Variants in NSF observed in about 807,000 individuals in gnomAD.
NSF encodes vesicle-fusing ATPase.
A neutral mutation model predicts 50.3 loss-of-function variants in NSF; 14 were observed. The ratio of observed to expected loss-of-function variants is 0.28; its 90% confidence interval spans 0.18 to 0.44. NSF has a LOEUF of 0.44. NSF is among the 20% of genes least tolerant of loss of function. The pLI, the probability that NSF is intolerant of heterozygous loss-of-function variation, is 1.00. For synonymous variants in NSF, 109 were observed against 175.7 expected (o/e 0.62, Z 3.00); for missense variants, 218 against 504.3 (o/e 0.43, Z 5.44).
Position 46,671,865 on chromosome 17 carries a change from G to A in NSF, c.746-2549G>A, listed in dbSNP as rs910612537. On this transcript the variant is annotated intron_variant, in intron 8 of 20. Transcript: ENST00000398238. The stretch of plus-strand genomic sequence containing the variant: ...GTGTTTATGTTGTTTTGTTAAATTC[G>A]GAAAGTCTCAGTCTTGCAAATGTAT... Among the ~76,000 whole-genome samples, 17 of 143,400 alleles carry A rather than the reference G, an allele frequency of 1.2e-4. 1 individual carries two copies. The highest frequency in any genetic ancestry group is 3.0e-4 in the African/African-American group (12 of 39,480). The allele number at this position is 143,400 out of a possible 152,430, so 94.1% of individuals were successfully genotyped here. A position where few individuals can be genotyped will look rare whatever the true frequency, so the allele number is the denominator to read the frequency against.
chr17:46,755,360 A>G lies in NSF; in HGVS notation c.2204A>G (p.Glu735Gly). 2 of 1,613,234 alleles carry G rather than the reference A, an allele frequency of 1.2e-6. No individual in the cohort carries two copies. The highest frequency in any genetic ancestry group is 1.7e-6 in the Non-Finnish European group (2 of 1,179,132). Reference protein sequence around the residue: ...RVRKFLALLREEGASPLDFD With the variant: ...RVRKFLALLRGEGASPLDFD ...AGAAAATTCTTGGCCCTCTTAAGAG[A>G]AGAAGGAGCGTAAGTACATACAACA... Residue 735 changes from glutamate (E) to glycine (G), a missense_variant, in exon 20 of 21, where the codon GAA becomes GGA. Coordinates refer to ENST00000398238, the MANE Select transcript of NSF (RefSeq NM_006178.4).
At chr17:46,749,102 A>G (rs573363225) in intron 17 of NSF, among the ~76,000 whole-genome samples, 2 of 152,310 alleles carry the variant, frequency 1.3e-5, no homozygotes, top group East Asian at 1.9e-4. Context: ...AAAACCAGTA[A>G]TGTAACATTA....
chr17:46,708,824 T>TTA (rs1568038744), intron 13 of NSF, among the ~76,000 whole-genome samples: 1 of 58,560 alleles, frequency 1.7e-5, no homozygotes, highest in African/African-American at 6.5e-5. Context: ...ATATATATAT[T>TTA]TTTTTTTTTT....
intron 17 of NSF, among the ~76,000 whole-genome samples, chr17:46,744,867 T>C (rs1378508342): frequency 6.6e-6 from 1 of 152,242 alleles, no homozygotes. Flanking sequence ...CTGCTTATGG[T>C]ACTAAGAATT....
intron 15 of NSF, among the ~76,000 whole-genome samples, chr17:46,724,979 T>G (rs1031775113): frequency 1.3e-5 from 2 of 152,196 alleles, no homozygotes; most frequent in Admixed American, 1.3e-4. Context: ...ATGTGTAAAT[T>G]TATTCTTTTA....
At chr17:46,739,727 T>G (rs1222019357) in intron 17 of NSF, among the ~76,000 whole-genome samples, 1 of 144,700 alleles carries the variant, frequency 6.9e-6, no homozygotes, top group Non-Finnish European at 1.5e-5. Context: ...AGTTCTTTTT[T>G]TCTGATTTTT....
intron 11 of NSF, among the ~76,000 whole-genome samples, chr17:46,694,183 G>A (rs1341437160): frequency 7.4e-6 from 1 of 135,198 alleles, no homozygotes; most frequent in Admixed American, 7.6e-5. Context: ...CCAGTTGTTC[G>A]AGACCAGCCT....
chr17:46,718,137 A>G (rs940801043), intron 15 of NSF, among the ~76,000 whole-genome samples: 12 of 152,346 alleles, frequency 7.9e-5, no homozygotes, highest in Admixed American at 7.8e-4. Flanking sequence ...GGGAGAAGCC[A>G]AATGGCTGCA....
At chr17:46,741,555 C>A (rs2059071875) in intron 17 of NSF, among the ~76,000 whole-genome samples, 1 of 151,832 alleles carries the variant, frequency 6.6e-6, no homozygotes, top group Non-Finnish European at 1.5e-5. Flanking sequence ...TTGAAACATC[C>A]TTCCTTTGGT....
chr17:46,722,746 G>T (rs1287401462), intron 15 of NSF, among the ~76,000 whole-genome samples: 1 of 152,196 alleles, frequency 6.6e-6, no homozygotes, highest in Non-Finnish European at 1.5e-5. Flanking sequence ...AAATGTACGT[G>T]TGAGAAGAAA....
At chr17:46,715,225 T>C (rs1030463302) in intron 15 of NSF, among the ~76,000 whole-genome samples, 6 of 152,210 alleles carry the variant, frequency 3.9e-5, no homozygotes, top group African/African-American at 1.4e-4. Flanking sequence ...GAACTTATAA[T>C]ATCATAGTTT....
chr17:46,751,873 AC>A (rs1212563899), intron 19 of NSF, among the ~76,000 whole-genome samples: 2 of 152,226 alleles, frequency 1.3e-5, no homozygotes, highest in African/African-American at 2.4e-5. Flanking sequence ...AGGTCTTAGA[AC>A]TAGAAAAGAC....
intron 17 of NSF, among the ~76,000 whole-genome samples, chr17:46,731,739 T>C (rs2058951001): frequency 1.3e-5 from 2 of 152,006 alleles, no homozygotes; most frequent in African/African-American, 2.4e-5. Flanking sequence ...ATGGCAGGGG[T>C]TCTCTCTGAA....
At chr17:46,739,525 G>A (rs1039032228) in intron 17 of NSF, among the ~76,000 whole-genome samples, 1 of 151,952 alleles carries the variant, frequency 6.6e-6, no homozygotes, top group Non-Finnish European at 1.5e-5. Context: ...GGCAACCAGA[G>A]TGAGACCTTG....
intron 17 of NSF, among the ~76,000 whole-genome samples, chr17:46,736,411 G>C (rs1165498317): frequency 6.6e-6 from 1 of 152,084 alleles, no homozygotes. Flanking sequence ...CTACCTTTCT[G>C]TCCCAGAAAC....
At chr17:46,636,862 C>CT (rs918033098) in intron 4 of NSF, among the ~76,000 whole-genome samples, 5 of 145,738 alleles carry the variant, frequency 3.4e-5, no homozygotes, top group South Asian at 4.4e-4. Context: ...TTCTTTCTTT[C>CT]TTTTTTTTTG....
Position 46,728,025 on chromosome 17 carries a change from C to T in NSF, c.1829-830C>T, listed in dbSNP as rs534513501. On this transcript the variant is annotated intron_variant, in intron 16 of 20. Coordinates refer to ENST00000398238, the MANE Select transcript of NSF (RefSeq NM_006178.4). The stretch of plus-strand genomic sequence containing the variant: ...TTTTTTTTATTTTTATTTTCCCTCC[C>T]ACTGTTCTCATCAGGTGGATAGTCT... Among the ~76,000 whole-genome samples the T allele has an allele frequency of 7.9e-5, 12 of 151,990 alleles. No homozygotes were observed. The South Asian group carries it at 2.5e-3, about 32-fold the overall frequency.
chr17:46,689,887 G>GCT (rs1451234533), intron 9 of NSF, among the ~76,000 whole-genome samples: 1 of 151,546 alleles, frequency 6.6e-6, no homozygotes, highest in Non-Finnish European at 1.5e-5. Context: ...GGGTACAGTG[G>GCT]CTCACATTTG....
At chr17:46,610,339 C>T (rs2058005624) in intron 1 of NSF, among the ~76,000 whole-genome samples, 1 of 50,084 alleles carries the variant, frequency 2.0e-5, no homozygotes, top group Non-Finnish European at 4.1e-5. Flanking sequence ...CGTGTTCGTT[C>T]CTCCATACCA....
Sources: allele counts gnomAD v4.1 joint callset (sites outside exome capture counted in the v4.1 genomes callset), GRCh38; gene constraint gnomAD v4.1.1; transcripts MANE v1.5; gene names NCBI Gene and HGNC (gene_info 2026-07-23, HGNC 2026-07-21).